IGF2BP2: variants seen among roughly 807,000 people sequenced by gnomAD.
IGF2BP2 encodes insulin-like growth factor 2 mRNA-binding protein 2.
A neutral mutation model predicts 75.8 loss-of-function variants in IGF2BP2; 17 were observed. The ratio of observed to expected loss-of-function variants is 0.22; its 90% CI spans 0.15 to 0.34. The LOEUF is 0.34. IGF2BP2 is among the 10% of genes least tolerant of loss of function. The pLI is 1.00. For synonymous variants in IGF2BP2, 288 were observed against 295.6 expected (o/e 0.97, Z 0.26); for missense variants, 516 against 772.4 (o/e 0.67, Z 3.93).
intron 4 of IGF2BP2, 23 bp downstream of exon 4, chr3:185,696,589 C>T (rs749482027): frequency 1.2e-6 from 2 of 1,609,772 alleles, no homozygotes; most frequent in Non-Finnish European, 1.7e-6. Context: ...CTCCAAAACC[C>T]AAAAGGCTTC....
intron 2 of IGF2BP2, among the ~76,000 whole-genome samples, chr3:185,822,257 T>C (rs76173239): frequency 5.3e-5 from 8 of 152,138 alleles, no homozygotes; most frequent in African/African-American, 1.9e-4. Flanking sequence ...AAAAACTTCA[T>C]TGAACAGCTC....
At chr3:185,683,842 A>G (rs1720737523) in intron 7 of IGF2BP2, among the ~76,000 whole-genome samples, 1 of 152,228 alleles carries the variant, frequency 6.6e-6, no homozygotes, top group Non-Finnish European at 1.5e-5. Flanking sequence ...TGAAATCACT[A>G]TAGTCATCCT....
intron 8 of IGF2BP2, 59 bp downstream of exon 8, chr3:185,675,732 G>A (rs547717245): frequency 3.3e-4 from 516 of 1,580,988 alleles, no homozygotes; most frequent in Non-Finnish European, 4.3e-4. Context: ...TGAACTAGAC[G>A]TATCGAAATG....
At position 185,707,833 on chromosome 3, in the gene IGF2BP2, C is replaced by T. The variant is rs138467775; in HGVS notation, c.240-9486G>A. Among the ~76,000 whole-genome samples, 121 of 152,256 alleles carry T rather than the reference C, an allele frequency of 7.9e-4. 2 individuals are homozygous for T. The East Asian group carries it at 0.013, about 16-fold the overall frequency. ...AATACCATCTCTCCCTTCCACCATC[C>T]CTCTCCTCAACTCATTCTGTGCAAT... On this transcript the variant is annotated intron_variant, in intron 2 of 15. Transcript: ENST00000382199.
intron 2 of IGF2BP2, among the ~76,000 whole-genome samples, chr3:185,804,478 T>C (rs894029368): frequency 2.0e-5 from 3 of 152,164 alleles, no homozygotes; most frequent in South Asian, 4.1e-4. Context: ...AGTATTGATA[T>C]ATAACTGATA....
intron 2 of IGF2BP2, among the ~76,000 whole-genome samples, chr3:185,781,785 G>T (rs1042615544): frequency 1.3e-5 from 2 of 149,922 alleles, no homozygotes; most frequent in African/African-American, 4.9e-5. Flanking sequence ...GTTTGTGTTT[G>T]TGTGTGTGTG....
chr3:185,752,456 T>A (rs183041584), intron 2 of IGF2BP2, among the ~76,000 whole-genome samples: 223 of 152,336 alleles, frequency 1.5e-3, no homozygotes, highest in Non-Finnish European at 2.6e-3. Context: ...CATTCTCTTT[T>A]ATACTCCAAT....
At chr3:185,675,962 G>C (rs762238990) in intron 7 of IGF2BP2, 49 bp from the exon 8 acceptor site, 1 of 1,588,900 alleles carries the variant, frequency 6.3e-7, no homozygotes, top group African/African-American at 1.4e-5. Context: ...TATAACGGTT[G>C]TCTCCCAAAA....
chr3:185,723,547 C>A (rs1726878215), intron 2 of IGF2BP2, among the ~76,000 whole-genome samples: 1 of 152,232 alleles, frequency 6.6e-6, no homozygotes. Context: ...GTGGCATCCA[C>A]CCCAGTCAAT....
At chr3:185,788,094 G>C (rs1736136386) in intron 2 of IGF2BP2, among the ~76,000 whole-genome samples, 1 of 152,036 alleles carries the variant, frequency 6.6e-6, no homozygotes, top group African/African-American at 2.4e-5. Flanking sequence ...CCTACAACAG[G>C]GCTCTGTATT....
intron 2 of IGF2BP2, among the ~76,000 whole-genome samples, chr3:185,715,732 CTTCCAGG>C (rs1397403218): frequency 2.0e-5 from 3 of 152,240 alleles, no homozygotes; most frequent in Non-Finnish European, 4.4e-5. Flanking sequence ...CAACCTCCAC[CTTCCAGG>C]TTCAAGAGAT....
chr3:185,781,615 T>C (rs534308503), intron 2 of IGF2BP2, among the ~76,000 whole-genome samples: 87 of 152,336 alleles, frequency 5.7e-4, no homozygotes, highest in African/African-American at 2.0e-3. Flanking sequence ...GATACAACTC[T>C]GGACATATAT....
At chr3:185,790,504 A>G (rs74929311) in intron 2 of IGF2BP2, among the ~76,000 whole-genome samples, 12,372 of 152,264 alleles carry the variant, frequency 0.081, 788 homozygotes, top group African/African-American at 0.18. Flanking sequence ...CTTCCATCAC[A>G]AAGAGAATAA....
At chr3:185,697,930 G>A (rs939638463) in intron 3 of IGF2BP2, among the ~76,000 whole-genome samples, 1 of 152,132 alleles carries the variant, frequency 6.6e-6, no homozygotes, top group Non-Finnish European at 1.5e-5. Flanking sequence ...GCTGCAGTGA[G>A]CCATGATTGG....
chr3:185,745,795 T>C (rs1188523102), intron 2 of IGF2BP2, among the ~76,000 whole-genome samples: 3 of 145,122 alleles, frequency 2.1e-5, no homozygotes, highest in Non-Finnish European at 4.7e-5. Flanking sequence ...CCCAACAGGT[T>C]GAAATATCAC....
intron 2 of IGF2BP2, among the ~76,000 whole-genome samples, chr3:185,719,758 T>C (rs556451826): frequency 4.7e-4 from 72 of 151,974 alleles, no homozygotes; most frequent in African/African-American, 1.7e-3. Context: ...CACTTGAACC[T>C]GGGAGGTGGA....
At chr3:185,697,359 G>A (rs989473350) in intron 3 of IGF2BP2, among the ~76,000 whole-genome samples, 3 of 151,402 alleles carry the variant, frequency 2.0e-5, no homozygotes, top group African/African-American at 4.8e-5. Context: ...TCCTGCCTTG[G>A]CCTCCGAAGT....
intron 2 of IGF2BP2, among the ~76,000 whole-genome samples, chr3:185,702,569 T>C (rs1424934331): frequency 6.6e-6 from 1 of 152,124 alleles, no homozygotes; most frequent in East Asian, 1.9e-4. Context: ...TAAAAGGCAT[T>C]TTTCATCCTC....
intron 2 of IGF2BP2, among the ~76,000 whole-genome samples, chr3:185,808,255 C>T (rs1353393622): frequency 6.6e-6 from 1 of 152,004 alleles, no homozygotes; most frequent in African/African-American, 2.4e-5. Flanking sequence ...GCGGGTGGAT[C>T]ACCTGAGGTC....
Sources: gnomAD v4.1 joint callset for allele counts (sites outside exome capture counted in the v4.1 genomes callset) on GRCh38, gnomAD v4.1.1 for gene constraint, MANE v1.5 for transcripts, NCBI Gene and HGNC (gene_info 2026-07-23, HGNC 2026-07-21) for gene names.